The following CHST3 variants were observed in gnomAD, a reference collection of about 807,000 sequenced individuals.
CHST3 encodes the protein carbohydrate sulfotransferase 3.
A neutral mutation model predicts 35.4 loss-of-function variants in CHST3; 20 were observed. The observed-to-expected ratio is 0.57, with a 90% CI of 0.40 to 0.82. CHST3 has a LOEUF of 0.82. CHST3 is among the 40% of genes least tolerant of loss of function. The pLI is 0.00. For synonymous variants in CHST3, 334 were observed against 295.9 expected, an observed-to-expected ratio of 1.13 and a Z score of -1.32; for missense variants, 693 against 670.1, an observed-to-expected ratio of 1.03 and a Z score of -0.38.
At chr10:71,967,525 A>G (rs959598412) in intron 1 of CHST3, among the ~76,000 whole-genome samples, 18 of 152,244 alleles carry the variant, frequency 1.2e-4, no homozygotes, top group African/African-American at 4.1e-4. Flanking sequence ...TTATGGCTAC[A>G]TAGTATTTCA....
intron 1 of CHST3, among the ~76,000 whole-genome samples, chr10:71,991,458 T>TC (rs1839895879): frequency 1.3e-5 from 2 of 152,134 alleles, no homozygotes; most frequent in Non-Finnish European, 2.9e-5. Context: ...CCAGTGGCCT[T>TC]CCCCAAATTT....
chr10:71,978,738 C>T (rs957654187), intron 1 of CHST3, among the ~76,000 whole-genome samples: 13 of 152,308 alleles, frequency 8.5e-5, no homozygotes, highest in East Asian at 1.9e-4. Flanking sequence ...AGTGAAGAAC[C>T]GGCCTCTAGG....
chr10:71,976,922 A>G (rs967508581), intron 1 of CHST3, among the ~76,000 whole-genome samples: 3 of 152,192 alleles, frequency 2.0e-5, no homozygotes, highest in Non-Finnish European at 2.9e-5. Context: ...AAAGGCACAA[A>G]ACAGTCTATG....
intron 1 of CHST3, among the ~76,000 whole-genome samples, chr10:71,988,780 C>T (rs971247584): frequency 6.6e-6 from 1 of 152,208 alleles, no homozygotes; most frequent in African/African-American, 2.4e-5. Context: ...TTCTTTCCCA[C>T]AGAAAACAAG....
Position 72,012,362 on chromosome 10 carries a change from G to C in CHST3, c.*3891G>C, listed in dbSNP as rs79037746. The C allele has an allele frequency of 6.6e-6, 1 of 152,282 alleles. No individual in the cohort carries two copies. The highest frequency in any genetic ancestry group is 1.5e-5 in the Non-Finnish European group (1 of 68,104). 9.4% of individuals were successfully genotyped at this position (152,282 alleles called of 1,614,324 possible). A position where few individuals can be genotyped will look rare whatever the true frequency, so the allele number is the denominator to read the frequency against. On this transcript the variant is annotated 3_prime_UTR_variant, in exon 3 of 3. Coordinates refer to ENST00000373115, the MANE Select transcript of CHST3 (RefSeq NM_004273.5). ...TCTCCTATACTAGGGCCTATTGACCGTAGAGGCCAGGTGCGGTGGCTCATA... is the reference window on the plus strand; with the variant it reads ...TCTCCTATACTAGGGCCTATTGACCCTAGAGGCCAGGTGCGGTGGCTCATA...
intron 1 of CHST3, among the ~76,000 whole-genome samples, chr10:71,985,826 T>G (rs1177626375): frequency 6.8e-4 from 103 of 152,200 alleles, no homozygotes; most frequent in Non-Finnish European, 1.5e-5. Flanking sequence ...GAATGTTGAC[T>G]TCATACAGAA....
rs55939908 is a variant in CHST3 at position 72,008,537 on chromosome 10, G to A, written c.*66G>A. 19 of 1,452,668 alleles carry A rather than the reference G, an allele frequency of 1.3e-5. No homozygotes were observed. Among genetic ancestry groups the A allele is most frequent in the African/African-American group, 7.2e-5 (5 of 69,864 alleles). 90.0% of individuals were successfully genotyped at this position (1,452,668 alleles called of 1,614,324 possible). On this transcript the variant is annotated 3_prime_UTR_variant, in exon 3 of 3. Coordinates refer to ENST00000373115, the MANE Select transcript of CHST3 (RefSeq NM_004273.5). Reference sequence around the variant, plus strand: ...GCCCCGTCTTTCTGCCGCAGCCCTCGCAGAGGGCGGGTGCACAGCGCCATG... The same window carrying A: ...GCCCCGTCTTTCTGCCGCAGCCCTCACAGAGGGCGGGTGCACAGCGCCATG...
At chr10:71,984,302 C>T (rs1204862764) in intron 1 of CHST3, among the ~76,000 whole-genome samples, 1 of 152,240 alleles carries the variant, frequency 6.6e-6, no homozygotes, top group Non-Finnish European at 1.5e-5. Flanking sequence ...AGATTACAGG[C>T]GTGAGCCACC....
At chr10:72,006,072 C>G in intron 2 of CHST3, 90 bp downstream of exon 2, 2 of 1,516,172 alleles carry the variant, frequency 1.3e-6, no homozygotes, top group South Asian at 1.1e-5. Flanking sequence ...TGTGGACCTG[C>G]AAATGCATTC....
In CHST3 at chr10:72,005,827, G is replaced by A. The variant is rs369477096; in HGVS notation, c.-16G>A. The A allele has an allele frequency of 1.1e-4, 175 of 1,614,146 alleles. No individual in the cohort carries two copies. The highest frequency in any genetic ancestry group is 2.7e-4 in the African/African-American group (20 of 75,054). ...CAAGGCTGGCCCGAGGAGCCCCCACGGCCCCACCTTTCCCCATGGAGAAAG... is the reference window on the plus strand; with the variant it reads ...CAAGGCTGGCCCGAGGAGCCCCCACAGCCCCACCTTTCCCCATGGAGAAAG... On this transcript the variant is annotated 5_prime_UTR_variant, in exon 2 of 3. Transcript: ENST00000373115.
intron 1 of CHST3, among the ~76,000 whole-genome samples, chr10:71,998,861 T>C (rs1457474761): frequency 6.6e-6 from 1 of 151,968 alleles, no homozygotes; most frequent in Non-Finnish European, 1.5e-5. Context: ...TCAGATGCTC[T>C]TGGGAGTAAC....
chr10:72,007,131 C>T, intron 2 of CHST3, 41 bp from the exon 3 acceptor site: 2 of 1,607,312 alleles, frequency 1.2e-6, no homozygotes, highest in Non-Finnish European at 8.5e-7. Context: ...GAGACGGGGT[C>T]CCCAGTCAGC....
intron 1 of CHST3, among the ~76,000 whole-genome samples, chr10:71,990,196 C>G (rs1839884618): frequency 6.6e-6 from 1 of 152,056 alleles, no homozygotes; most frequent in Non-Finnish European, 1.5e-5. Context: ...GAGAAACTTA[C>G]AAGTAGCAGA....
intron 1 of CHST3, among the ~76,000 whole-genome samples, chr10:71,976,238 C>T (rs544144344): frequency 1.2e-4 from 18 of 152,334 alleles, no homozygotes; most frequent in African/African-American, 4.1e-4. Flanking sequence ...CAGATGCCAA[C>T]ACCACCCTGG....
At chr10:71,970,629 G>A (rs1223500661) in intron 1 of CHST3, among the ~76,000 whole-genome samples, 1 of 152,138 alleles carries the variant, frequency 6.6e-6, no homozygotes, top group African/African-American at 2.4e-5. Flanking sequence ...AGACGGCCGG[G>A]GGTCCCAGCT....
intron 1 of CHST3, among the ~76,000 whole-genome samples, chr10:71,971,202 C>T (rs560011643): frequency 4.2e-4 from 64 of 152,242 alleles, no homozygotes; most frequent in African/African-American, 1.3e-3. Context: ...GCTGAGTCAG[C>T]GAGCCCTGAA....
chr10:71,987,714 CAAAAAAAAA>C (rs386371790), intron 1 of CHST3, among the ~76,000 whole-genome samples: 3 of 88,912 alleles, frequency 3.4e-5, no homozygotes, highest in East Asian at 3.7e-4. Context: ...GAGACTGTCT[CAAAAAAAAA>C]AAAAAAAAAA....
In CHST3 at chr10:71,981,819, C is replaced by T. The variant is rs900431148; in HGVS notation, c.-108+17125C>T. 3.3e-5 allele frequency among the ~76,000 whole-genome samples: 5 copies of T among 152,380 alleles called. No homozygotes were observed. In the East Asian group the frequency reaches 9.6e-4, roughly 29 times the overall value. On this transcript the variant is annotated intron_variant, in intron 1 of 2. Transcript: ENST00000373115. ...TTCTTACTGTCAACCCCGCCCCTGG[C>T]TGCCCAGTAGTCTCTAGGGAACTTA...
rs1444858945 is a variant in CHST3 at position 72,005,893 on chromosome 10, C to T, written c.51C>T (p.Ser17=). 2 of 1,614,214 alleles carry T rather than the reference C, an allele frequency of 1.2e-6. No homozygotes were observed. The highest frequency in any genetic ancestry group is 1.7e-6 in the Non-Finnish European group (2 of 1,180,046). ...LPQDCRDFVH[S]LKMRSKYALF... is the part of the protein sequence containing the mutation. ...AGGACTGCCGGGACTTTGTGCACAG[C>T]CTGAAGATGAGAAGCAAATACGCCC... The change falls in exon 2 of 3, where the codon AGC becomes AGT. Residue 17 remains serine, a synonymous_variant. Transcript: ENST00000373115.
Sources: gnomAD v4.1 joint callset for allele counts (sites outside exome capture counted in the v4.1 genomes callset) on GRCh38, gnomAD v4.1.1 for gene constraint, MANE v1.5 for transcripts, NCBI Gene and HGNC (gene_info 2026-07-23, HGNC 2026-07-21) for gene names.